ATXN7L1: variants seen among roughly 807,000 people sequenced by gnomAD.
The protein encoded by ATXN7L1 is ataxin-7-like protein 1.
ATXN7L1 carries 15 observed loss-of-function variants against 70.8 expected under a neutral mutation model. The observed-to-expected ratio is 0.21, with a 90% CI of 0.14 to 0.33. ATXN7L1 has a LOEUF of 0.33. Ranked by LOEUF, ATXN7L1 falls within the 10% of genes least tolerant of loss-of-function variation. The pLI is 1.00. For missense variants in ATXN7L1, 975 were observed against 1,097.1 expected, an observed-to-expected ratio of 0.89 and a Z score of 1.57; for synonymous variants, 440 against 445.1, an observed-to-expected ratio of 0.99 and a Z score of 0.14.
At chr7:105,701,140 A>C (rs1237784513) in intron 3 of ATXN7L1, among the ~76,000 whole-genome samples, 2 of 152,152 alleles carry the variant, frequency 1.3e-5, no homozygotes, top group African/African-American at 4.8e-5. Flanking sequence ...TAAAAATTAC[A>C]GCAAAAGGGG....
intron 2 of ATXN7L1, among the ~76,000 whole-genome samples, chr7:105,851,325 GCTAC>G (rs1311966392): frequency 1.3e-5 from 2 of 152,182 alleles, no homozygotes; most frequent in Non-Finnish European, 2.9e-5. Context: ...TGACTGCAAA[GCTAC>G]GCCTTTCCCC....
Position 105,614,043 on chromosome 7 carries a change from G to A in ATXN7L1, c.2291C>T (p.Ala764Val). The A allele has an allele frequency of 6.4e-7, 1 of 1,551,952 alleles. No homozygotes were observed. The highest frequency in any genetic ancestry group is 8.7e-7 in the Non-Finnish European group (1 of 1,147,034). ...AGDLSLASHNAVSSLPLSFDK... is the reference protein window; with the variant it reads ...AGDLSLASHNVVSSLPLSFDK... ...AAAAGAGAGGGGCAGAGAAGACACA[G>A]CATTGTGTGAGGCCAGAGAGAGGTC... Residue 764 changes from alanine (A) to valine (V), a missense_variant, in exon 10 of 12, where the codon GCT becomes GTT. Physicochemically the swap from Ala to Val is moderately conservative, Grantham distance 64. Around this residue, in one of 5 missense-constraint regions of ATXN7L1, gnomAD observed 635 missense variants for 699.4 expected, o/e 0.91. Transcript: ENST00000419735. The surrounding 1 kb of genome is among the most constrained non-coding windows in gnomAD (Gnocchi z 4.3).
In ATXN7L1 at chr7:105,614,882, G is replaced by A. The variant is rs1383127416; in HGVS notation, c.1518-66C>T. The A allele has an allele frequency of 4.1e-5, 61 of 1,489,946 alleles. No homozygotes were observed. The highest frequency in any genetic ancestry group is 5.1e-5 in the Non-Finnish European group (57 of 1,113,292). The allele number at this position is 1,489,946 out of a possible 1,614,324, so 92.3% of individuals were successfully genotyped here. ...CGGGTTGGCATTGCTCAGGAGGCTC[G>A]ATGACGTTTGAGGATCAGGGCTACA... On this transcript the variant is annotated intron_variant, in intron 9 of 11. Coordinates refer to ENST00000419735, the MANE Select transcript of ATXN7L1 (RefSeq NM_020725.2). This position sits in a 1 kb window ranked among gnomAD's most constrained non-coding sequence, Gnocchi z 4.3.
intron 4 of ATXN7L1, among the ~76,000 whole-genome samples, chr7:105,662,083 T>TTCCTTCC (rs1562967768): frequency 1.5e-5 from 1 of 67,428 alleles, no homozygotes; most frequent in Non-Finnish European, 3.3e-5. Flanking sequence ...TCCTTCCTTC[T>TTCCTTCC]TTCTTTTCTT....
intron 3 of ATXN7L1, among the ~76,000 whole-genome samples, chr7:105,675,517 C>T (rs921940883): frequency 2.6e-5 from 4 of 151,786 alleles, no homozygotes; most frequent in African/African-American, 7.3e-5. Context: ...CCCCGCTACT[C>T]GGGAGGTTGA....
chr7:105,704,315 T>C (rs151280378), intron 3 of ATXN7L1, among the ~76,000 whole-genome samples: 253 of 152,364 alleles, frequency 1.7e-3, no homozygotes, highest in South Asian at 3.9e-3. Context: ...GTCAAATGAA[T>C]AAAATAAGAA....
intron 3 of ATXN7L1, among the ~76,000 whole-genome samples, chr7:105,786,218 C>T (rs770538550): frequency 1.3e-5 from 2 of 152,152 alleles, no homozygotes; most frequent in Non-Finnish European, 2.9e-5. Flanking sequence ...CTTTGAGGGA[C>T]GAGATCAGTA....
chr7:105,761,177 C>A, intron 3 of ATXN7L1: 1 of 1,309,718 alleles, frequency 7.6e-7, no homozygotes. Flanking sequence ...AGAAGAACCC[C>A]ACAGGTACCC....
At chr7:105,701,260 G>A (rs1188816578) in intron 3 of ATXN7L1, among the ~76,000 whole-genome samples, 1 of 152,034 alleles carries the variant, frequency 6.6e-6, no homozygotes, top group Non-Finnish European at 1.5e-5. Context: ...AAATGATGAT[G>A]CAGATCTATA....
intron 2 of ATXN7L1, among the ~76,000 whole-genome samples, chr7:105,839,757 G>A (rs1205833930): frequency 2.0e-5 from 3 of 152,160 alleles, no homozygotes; most frequent in Non-Finnish European, 4.4e-5. Context: ...TACACCTACT[G>A]AGCACCTACT....
chr7:105,864,499 T>C (rs1817103356), intron 2 of ATXN7L1, among the ~76,000 whole-genome samples: 1 of 146,258 alleles, frequency 6.8e-6, no homozygotes, highest in South Asian at 2.2e-4. Context: ...TCCTGGTTCC[T>C]GTGCTTCACT....
rs969947888 is a variant in ATXN7L1 at position 105,604,821 on chromosome 7, C to T, written c.*3031G>A. Among the ~76,000 whole-genome samples the T allele has an allele frequency of 7.2e-5, 11 of 152,154 alleles. No homozygotes were observed. Among genetic ancestry groups the T allele is most frequent in the African/African-American group, 1.2e-4 (5 of 41,440 alleles). Reference sequence around the variant, plus strand: ...AATATACCCCATGACTGACCAGCTACGTAAAACCCACAGAGTTTTGTTAAA... The same window carrying T: ...AATATACCCCATGACTGACCAGCTATGTAAAACCCACAGAGTTTTGTTAAA... On this transcript the variant is annotated 3_prime_UTR_variant, in exon 12 of 12. Transcript: ENST00000419735.
At chr7:105,748,234 T>C (rs1213896974) in intron 3 of ATXN7L1, among the ~76,000 whole-genome samples, 3 of 152,104 alleles carry the variant, frequency 2.0e-5, no homozygotes, top group African/African-American at 7.2e-5. Flanking sequence ...AAAATGATTA[T>C]GGGAAGACAT....
chr7:105,660,866 C>A (rs1801502113), intron 4 of ATXN7L1, among the ~76,000 whole-genome samples: 1 of 152,148 alleles, frequency 6.6e-6, no homozygotes, highest in African/African-American at 2.4e-5. Flanking sequence ...CAGGTGTGAG[C>A]CACCATGCCT....
At position 105,810,929 on chromosome 7, in the gene ATXN7L1, G is replaced by C. The variant is rs545981469; in HGVS notation, c.251-22221C>G. Among the ~76,000 whole-genome samples, 5 of 152,324 alleles carry C rather than the reference G, an allele frequency of 3.3e-5. No homozygotes were observed. The East Asian group carries it at 9.6e-4, about 29-fold the overall frequency. ...ACCTAACCTGTTTCCTAGTGGACTAGATGTGGATGGGAGAAAAAGATGGGA... is the reference window on the plus strand; with the variant it reads ...ACCTAACCTGTTTCCTAGTGGACTACATGTGGATGGGAGAAAAAGATGGGA... On this transcript the variant is annotated intron_variant, in intron 2 of 11. Transcript: ENST00000419735.
intron 3 of ATXN7L1, among the ~76,000 whole-genome samples, chr7:105,716,693 AC>A (rs1404394806): frequency 2.4e-5 from 2 of 83,754 alleles, no homozygotes; most frequent in African/African-American, 8.8e-5. Flanking sequence ...ACACACACAC[AC>A]ACACACACAC....
chr7:105,863,388 G>T (rs915111664), intron 2 of ATXN7L1, among the ~76,000 whole-genome samples: 2 of 152,202 alleles, frequency 1.3e-5, no homozygotes, highest in African/African-American at 4.8e-5. Context: ...GGGAATGAAA[G>T]GTAGTTCAGC....
chr7:105,760,416 G>A (rs1440738387), intron 3 of ATXN7L1: 7 of 980,486 alleles, frequency 7.1e-6, no homozygotes, highest in East Asian at 1.1e-4. Flanking sequence ...CAGCCAGCAG[G>A]TGGCAGGGTC....
At chr7:105,807,681 G>A (rs1409404134) in intron 2 of ATXN7L1, among the ~76,000 whole-genome samples, 1 of 152,194 alleles carries the variant, frequency 6.6e-6, no homozygotes, top group Non-Finnish European at 1.5e-5. Flanking sequence ...ACCCTCATGT[G>A]GAAAGCCCGG....
Sources: gnomAD v4.1 joint callset for allele counts (sites outside exome capture counted in the v4.1 genomes callset) on GRCh38, gnomAD v4.1.1 for gene constraint, gnomAD v4.1.1 regional missense constraint, Gnocchi (gnomAD v3.1) non-coding constraint, MANE v1.5 for transcripts, NCBI Gene and HGNC (gene_info 2026-07-23, HGNC 2026-07-21) for gene names.